RB1CC1: variants seen among roughly 807,000 people sequenced by gnomAD.
The protein encoded by RB1CC1 is RB1 inducible coiled-coil 1, also known as RB1-inducible coiled-coil protein 1.
A neutral mutation model predicts 177.5 loss-of-function variants in RB1CC1; 46 were observed. The ratio of observed to expected loss-of-function variants is 0.26; its 90% CI spans 0.20 to 0.33. The LOEUF is 0.33. Among genes scored for constraint, RB1CC1 ranks in the 10% least tolerant of loss-of-function variants. The probability of loss-of-function intolerance (pLI) is 1.00; values close to 1 mark genes in which losing one functional copy is unlikely to be tolerated. For missense variants in RB1CC1, 1,703 were observed against 1,816.3 expected, an observed-to-expected ratio of 0.94 and a Z score of 1.13; for synonymous variants, 666 against 613.6, an observed-to-expected ratio of 1.09 and a Z score of -1.26.
In RB1CC1 at chr8:52,712,496, CA is replaced by C. The variant is rs5891479; in HGVS notation, c.-167+1578del. Among the ~76,000 whole-genome samples the C allele has an allele frequency of 4.5e-3, 454 of 100,466 alleles. 3 individuals carry two copies. Among genetic ancestry groups the C allele is most frequent in the South Asian group, 0.017 (48 of 2,820 alleles). 65.9% of individuals were successfully genotyped at this position (100,466 alleles called of 152,430 possible). On this transcript the variant is annotated intron_variant, in intron 1 of 23. Transcript: ENST00000025008. ...TGATCTTGTGTTTGGCAGCAAGAGC[CA>C]AAAAAAAAAAAAAAAAAAACTCAGG...
chr8:52,689,688 T>C (rs1432235702), intron 1 of RB1CC1, among the ~76,000 whole-genome samples: 1 of 152,080 alleles, frequency 6.6e-6, no homozygotes, highest in Non-Finnish European at 1.5e-5. Flanking sequence ...GTCCCAAATA[T>C]CACACTGCTT....
intron 1 of RB1CC1, among the ~76,000 whole-genome samples, chr8:52,712,979 T>C (rs1257834748): frequency 6.6e-6 from 1 of 152,240 alleles, no homozygotes; most frequent in Non-Finnish European, 1.5e-5. Flanking sequence ...ACCCTCTTTT[T>C]ATCGTCTATC....
In RB1CC1 at chr8:52,698,670, G is replaced by GTTTTTTTTTTTTT. The variant is rs1183407164; in HGVS notation, c.-166-11716_-166-11704dup. 7.7e-5 allele frequency among the ~76,000 whole-genome samples: 6 copies of GTTTTTTTTTTTTT among 77,464 alleles called. 1 individual carries two copies. Among genetic ancestry groups the GTTTTTTTTTTTTT allele is most frequent in the Non-Finnish European group, 1.4e-4 (6 of 41,430 alleles). The allele number at this position is 77,464 out of a possible 152,430, so 50.8% of individuals were successfully genotyped here. A position where few individuals can be genotyped will look rare whatever the true frequency, so the allele number is the denominator to read the frequency against. On this transcript the variant is annotated intron_variant, in intron 1 of 23. Coordinates refer to ENST00000025008, the MANE Select transcript of RB1CC1 (RefSeq NM_014781.5). ...ACAAAAACTGTATATGTAATGGTTG[G>GTTTTTTTTTTTTT]TTTTTTTTTTTTTTTTTTTTTTTTT...
At chr8:52,629,272 C>CACAACCTT (rs1848597259) in intron 21 of RB1CC1, among the ~76,000 whole-genome samples, 1 of 152,182 alleles carries the variant, frequency 6.6e-6, no homozygotes, top group African/African-American at 2.4e-5. Flanking sequence ...TCTTAACTTT[C>CACAACCTT]ACAACCTTCC....
At chr8:52,701,377 G>A (rs779240672) in intron 1 of RB1CC1, among the ~76,000 whole-genome samples, 7 of 151,910 alleles carry the variant, frequency 4.6e-5, no homozygotes, top group Non-Finnish European at 7.4e-5. Flanking sequence ...CACCTGTCTC[G>A]GCCTCCCCAA....
intron 21 of RB1CC1, among the ~76,000 whole-genome samples, chr8:52,629,563 C>G (rs112018816): frequency 4.6e-5 from 7 of 152,288 alleles, no homozygotes; most frequent in African/African-American, 1.7e-4. Flanking sequence ...AGGGGTTGGA[C>G]TTGCCTCATC....
At chr8:52,706,750 A>AAG (rs758772529) in intron 1 of RB1CC1, among the ~76,000 whole-genome samples, 71 of 151,000 alleles carry the variant, frequency 4.7e-4, no homozygotes, top group African/African-American at 1.5e-3. Flanking sequence ...AAAAAAAAAA[A>AAG]AGAGAGAGAG....
At position 52,684,109 on chromosome 8, in the gene RB1CC1, G is replaced by A. The variant is rs1284657722; in HGVS notation, c.72-96C>T. ...ATGTAAAAACACCTTAGAGGTTAAT[G>A]AATTTCACTCTAAAACCTTCCCCAA... is the stretch of plus-strand genomic sequence containing the variant. On this transcript the variant is annotated intron_variant, in intron 3 of 23. Coordinates refer to ENST00000025008, the MANE Select transcript of RB1CC1 (RefSeq NM_014781.5). 3.7e-6 allele frequency: 5 copies of A among 1,346,656 alleles called. No individual in the cohort carries two copies. In the East Asian group the frequency reaches 1.1e-4, roughly 29 times the overall value. 83.4% of individuals were successfully genotyped at this position (1,346,656 alleles called of 1,614,324 possible).
At chr8:52,676,642 T>G (rs1454488320) in intron 5 of RB1CC1, 71 bp from the exon 6 acceptor site, 1 of 1,348,352 alleles carries the variant, frequency 7.4e-7, no homozygotes, top group Non-Finnish European at 1.0e-6. Context: ...TGCATATGTT[T>G]ACAAACATGT....
intron 1 of RB1CC1, among the ~76,000 whole-genome samples, chr8:52,692,342 T>A (rs1226842387): frequency 1.3e-5 from 2 of 151,908 alleles, no homozygotes; most frequent in Non-Finnish European, 2.9e-5. Flanking sequence ...ACAAAAAATC[T>A]TTTTTTTAAA....
intron 20 of RB1CC1, among the ~76,000 whole-genome samples, chr8:52,632,864 T>A (rs1848863721): frequency 6.6e-6 from 1 of 152,190 alleles, no homozygotes; most frequent in Non-Finnish European, 1.5e-5. Context: ...AAGTCATCCC[T>A]CTGTTCCTCT....
chr8:52,712,610 C>T (rs551968916), intron 1 of RB1CC1, among the ~76,000 whole-genome samples: 1 of 151,888 alleles, frequency 6.6e-6, no homozygotes, highest in African/African-American at 2.4e-5. Flanking sequence ...TCTTGATTAC[C>T]ATAAAAAGTT....
chr8:52,642,503 G>A lies in RB1CC1; in HGVS notation c.4185C>T (p.Ser1395=). The A allele has an allele frequency of 6.2e-7, 1 of 1,613,948 alleles. No homozygotes were observed. Among genetic ancestry groups the A allele is most frequent in the African/African-American group, 1.3e-5 (1 of 74,990 alleles). ...CTACATATGGTGAAGGAACAAAACT[G>A]CTACTACGCAACTTACTGACTTCTT... ...LEEEVSKLRS[S]SFVPSPYVAT... The change falls in exon 18 of 24, where the codon AGC becomes AGT. Residue 1395 remains serine (S), a synonymous_variant. Transcript: ENST00000025008.
At chr8:52,624,940 A>C (rs1848278488) in intron 22 of RB1CC1, among the ~76,000 whole-genome samples, 153 bp from the exon 23 acceptor site, 1 of 152,152 alleles carries the variant, frequency 6.6e-6, no homozygotes. Context: ...GAAATGCTTA[A>C]CAATTTACAA....
chr8:52,639,609 C>T (rs1849410800), intron 18 of RB1CC1, among the ~76,000 whole-genome samples: 1 of 152,136 alleles, frequency 6.6e-6, no homozygotes, highest in Non-Finnish European at 1.5e-5. Context: ...CTCCCATATA[C>T]TTACAAATAA....
intron 19 of RB1CC1, 94 bp downstream of exon 19, chr8:52,635,921 A>C (rs1849107152): frequency 1.4e-6 from 2 of 1,443,432 alleles, no homozygotes; most frequent in East Asian, 4.8e-5. Flanking sequence ...ATTTATAAAC[A>C]CAAATAGTCT....
intron 1 of RB1CC1, among the ~76,000 whole-genome samples, chr8:52,688,212 A>T (rs1854459765): frequency 6.6e-6 from 1 of 152,188 alleles, no homozygotes; most frequent in South Asian, 2.1e-4. Context: ...TTAGGGAACA[A>T]GGGAAGACAA....
chr8:52,713,200 TA>T (rs1332098230), intron 1 of RB1CC1, among the ~76,000 whole-genome samples: 1 of 152,190 alleles, frequency 6.6e-6, no homozygotes. Flanking sequence ...GAATGTCTCG[TA>T]GTAACGTGAC....
At chr8:52,712,030 TCTCTA>T (rs1442031281) in intron 1 of RB1CC1, among the ~76,000 whole-genome samples, 1 of 152,140 alleles carries the variant, frequency 6.6e-6, no homozygotes, top group Non-Finnish European at 1.5e-5. Flanking sequence ...TAAAACCCCG[TCTCTA>T]CTCAAGAACA....
Sources: gnomAD v4.1 joint callset for allele counts (sites outside exome capture counted in the v4.1 genomes callset) on GRCh38, gnomAD v4.1.1 for gene constraint, MANE v1.5 for transcripts, NCBI Gene and HGNC (gene_info 2026-07-23, HGNC 2026-07-21) for gene names.